TNS1: variants seen among roughly 807,000 people sequenced by gnomAD.
TNS1 encodes tensin-1.
A neutral mutation model predicts 168.6 loss-of-function variants in TNS1; 62 were observed. That is an observed-to-expected ratio of 0.37 (90% CI 0.30 to 0.45). The LOEUF (loss-of-function observed/expected upper bound fraction) is 0.45, where lower values mean the gene tolerates loss of function less well. Ranked by LOEUF, TNS1 falls within the 20% of genes least tolerant of loss-of-function variation. TNS1 has a pLI of 1.00. For synonymous variants in TNS1, 934 were observed against 933.2 expected, an observed-to-expected ratio of 1.00 and a Z score of -0.02; for missense variants, 2,240 against 2,339.4, an observed-to-expected ratio of 0.96 and a Z score of 0.88.
At chr2:217,925,491 C>T (rs1955970553) in intron 3 of TNS1, among the ~76,000 whole-genome samples, 1 of 152,184 alleles carries the variant, frequency 6.6e-6, no homozygotes, top group Admixed American at 6.5e-5. Flanking sequence ...CACACACTCA[C>T]ACTCACCTGG....
intron 2 of TNS1, among the ~76,000 whole-genome samples, chr2:217,988,468 A>G (rs114817604): frequency 0.03 from 4,540 of 152,244 alleles, 197 homozygotes; most frequent in African/African-American, 0.1. Context: ...CCACCCCCAG[A>G]CTGCCTCGTA....
intron 1 of TNS1, among the ~76,000 whole-genome samples, chr2:218,018,515 C>A (rs151290720): frequency 6.6e-6 from 1 of 152,238 alleles, no homozygotes. Context: ...CATCTTAGAC[C>A]CCATGGGGAA....
rs182548265 is a variant in TNS1 at position 217,899,769 on chromosome 2, C to G, written c.371+694G>C. 9.2e-5 allele frequency among the ~76,000 whole-genome samples: 14 copies of G among 152,326 alleles called. No individual in the cohort carries two copies. In the East Asian group the frequency reaches 2.5e-3, roughly 27 times the overall value. ...GCATCACACTCTGCATCCACCTGCC[C>G]AGGTCTAAGGGAAGGAGGGGATCCT... On this transcript the variant is annotated intron_variant, in intron 7 of 32. Coordinates refer to ENST00000682258, the MANE Select transcript of TNS1 (RefSeq NM_001387777.1).
chr2:217,979,012 C>T, intron 2 of TNS1: 1 of 463,830 alleles, frequency 2.2e-6, no homozygotes, highest in Non-Finnish European at 3.8e-6. Context: ...ACTGAGGACC[C>T]GCGGCCGGGG....
In TNS1 at chr2:217,902,010, G is replaced by C. The variant is rs547553743; in HGVS notation, c.322-1498C>G. ...GAGGGAAGAGCCAAGTGGGGCTACTGGGGGGAAGTTTCTAAGTCTCACAGC... is the reference window on the plus strand; with the variant it reads ...GAGGGAAGAGCCAAGTGGGGCTACTCGGGGGAAGTTTCTAAGTCTCACAGC... On this transcript the variant is annotated intron_variant, in intron 6 of 32. Transcript: ENST00000682258. 8 of 152,384 alleles carry C rather than the reference G, an allele frequency of 5.2e-5. 1 individual carries two copies. In the Middle Eastern group the frequency reaches 0.017, roughly 322 times the overall value. The allele number at this position is 152,384 out of a possible 1,614,324, so 9.4% of individuals were successfully genotyped here. A position where few individuals can be genotyped will look rare whatever the true frequency, so the allele number is the denominator to read the frequency against.
chr2:217,814,795 C>G, intron 25 of TNS1, 117 bp downstream of exon 25: 1 of 785,956 alleles, frequency 1.3e-6, no homozygotes, highest in East Asian at 2.7e-5. Context: ...CCAGCCCCCT[C>G]TGTGATGACC....
chr2:217,859,701 T>G lies in TNS1; in HGVS notation c.1430-10614A>C, dbSNP rs1202121362. 2.6e-6 allele frequency: 4 copies of G among 1,535,412 alleles called. No homozygotes were observed. The African/African-American group carries it at 4.1e-5, about 16-fold the overall frequency. ...GCTATTGGTATTCTGTTTGTTCCCA[T>G]CTGTGGAAATCATGAATAGCAGAGT... is the stretch of plus-strand genomic sequence containing the variant. On this transcript the variant is annotated intron_variant, in intron 18 of 32. Transcript: ENST00000682258.
At chr2:217,990,843 A>C in intron 2 of TNS1, 99 bp downstream of exon 2, 34 of 252,366 alleles carry the variant, frequency 1.3e-4, no homozygotes, top group Non-Finnish European at 1.8e-4. Context: ...TTGGGACCCC[A>C]AGGATGTGTG....
At chr2:217,983,634 C>G (rs901819802) in intron 2 of TNS1, among the ~76,000 whole-genome samples, 1 of 152,230 alleles carries the variant, frequency 6.6e-6, no homozygotes, top group Non-Finnish European at 1.5e-5. Flanking sequence ...ATCTAAATGG[C>G]CTTTTCCTCC....
chr2:217,848,771 C>T lies in TNS1; in HGVS notation c.1746G>A (p.Met582Ile), dbSNP rs1396363796. 4 of 1,614,074 alleles carry T rather than the reference C, an allele frequency of 2.5e-6. No homozygotes were observed. The highest frequency in any genetic ancestry group is 4.5e-5 in the East Asian group (2 of 44,898). Residue 582 changes from methionine (M) to isoleucine (I), a missense_variant, in exon 19 of 33, where the codon ATG becomes ATA. By Grantham distance (10) the Met-to-Ile change is conservative. Transcript: ENST00000682258. Reference sequence around the variant, plus strand: ...GGGACCTGAGGTGCTGGGTGTGGTACATGGCGCCTTGCTTCTCTCGCTCTA... The same window carrying T: ...GGGACCTGAGGTGCTGGGTGTGGTATATGGCGCCTTGCTTCTCTCGCTCTA... The part of the protein sequence containing the change: ...FGLEREKQGA[M>I]YHTQHLRSRP...
chr2:217,883,819 T>C (rs1376738069), intron 16 of TNS1, among the ~76,000 whole-genome samples: 1 of 152,152 alleles, frequency 6.6e-6, no homozygotes, highest in African/African-American at 2.4e-5. Flanking sequence ...CAGACCACAC[T>C]AAGGAGATCT....
At chr2:218,008,891 G>GT (rs145851660) in intron 1 of TNS1, among the ~76,000 whole-genome samples, 2,621 of 149,348 alleles carry the variant, frequency 0.018, 63 homozygotes, top group African/African-American at 0.058. Flanking sequence ...TAATATCCCT[G>GT]TTTTTTTTTT....
At chr2:217,853,243 AG>A (rs1361965845) in intron 18 of TNS1, among the ~76,000 whole-genome samples, 1 of 152,200 alleles carries the variant, frequency 6.6e-6, no homozygotes, top group African/African-American at 2.4e-5. Context: ...AATAAGGTAG[AG>A]GAGGATAAGA....
chr2:217,822,702 C>T (rs767447378), intron 22 of TNS1, among the ~76,000 whole-genome samples: 1 of 152,188 alleles, frequency 6.6e-6, no homozygotes, highest in Non-Finnish European at 1.5e-5. Flanking sequence ...GTGGGGGACA[C>T]ACGCTAGAAA....
chr2:217,958,300 T>TA (rs1376350768), intron 3 of TNS1, among the ~76,000 whole-genome samples: 9 of 151,440 alleles, frequency 5.9e-5, no homozygotes, highest in Non-Finnish European at 1.3e-4. Context: ...CAGATGCCGT[T>TA]AGGAAACAGT....
chr2:217,881,208 C>T (rs1950651252), intron 17 of TNS1, 194 bp from the exon 18 acceptor site: 1 of 578,796 alleles, frequency 1.7e-6, no homozygotes, highest in South Asian at 2.2e-5. Flanking sequence ...TAGTTTCTCA[C>T]ATTCTTGAAA....
chr2:217,865,551 C>T (rs575840569), intron 18 of TNS1, among the ~76,000 whole-genome samples: 2 of 152,360 alleles, frequency 1.3e-5, no homozygotes, highest in East Asian at 3.9e-4. Flanking sequence ...TCAAAGAACA[C>T]TTTGCTGCTA....
At chr2:217,854,370 C>T (rs539925826) in intron 18 of TNS1, among the ~76,000 whole-genome samples, 3 of 152,220 alleles carry the variant, frequency 2.0e-5, no homozygotes, top group Non-Finnish European at 2.9e-5. Context: ...CCTTCCCTGT[C>T]GGACCAGCAG....
chr2:217,916,399 A>T (rs1489258770), intron 4 of TNS1, among the ~76,000 whole-genome samples: 1 of 151,964 alleles, frequency 6.6e-6, no homozygotes, highest in Non-Finnish European at 1.5e-5. Flanking sequence ...TGTGCACATC[A>T]TTCCACCCCC....
Sources: gnomAD v4.1 joint callset for allele counts (sites outside exome capture counted in the v4.1 genomes callset) on GRCh38, gnomAD v4.1.1 for gene constraint, MANE v1.5 for transcripts, NCBI Gene and HGNC (gene_info 2026-07-23, HGNC 2026-07-21) for gene names.